PIEZO2: variants seen among roughly 807,000 people sequenced by gnomAD.
PIEZO2 encodes piezo type mechanosensitive ion channel component 2.
A neutral mutation model predicts 337.3 loss-of-function variants in PIEZO2; 172 were observed. That is an observed-to-expected ratio of 0.51 (90% confidence interval 0.45 to 0.58). The LOEUF is 0.58. Ranked by LOEUF, PIEZO2 falls within the 20% of genes least tolerant of loss-of-function variation. PIEZO2 has a pLI of 0.00. For missense variants in PIEZO2, 3,028 were observed against 3,391.3 expected (o/e 0.89, Z 2.66); for synonymous variants, 1,251 against 1,228.5 (o/e 1.02, Z -0.38).
chr18:10,958,946 T>A (rs111260960), intron 3 of PIEZO2, among the ~76,000 whole-genome samples: 2,801 of 152,274 alleles, frequency 0.018, 102 homozygotes, highest in African/African-American at 0.063. Flanking sequence ...ACATCATTAT[T>A]GAGAATGTTT....
intron 33 of PIEZO2, 146 bp from the exon 34 acceptor site, chr18:10,736,856 T>C (rs918277781): frequency 3.4e-6 from 3 of 888,758 alleles, no homozygotes; most frequent in African/African-American, 3.4e-5. Flanking sequence ...ACACACAAGA[T>C]GAAGAGAACT....
At chr18:11,064,098 G>C (rs764845577) in intron 2 of PIEZO2, among the ~76,000 whole-genome samples, 1 of 152,204 alleles carries the variant, frequency 6.6e-6, no homozygotes, top group Middle Eastern at 3.4e-3. Flanking sequence ...TTTGTGTTGG[G>C]CCACACTCAA....
intron 3 of PIEZO2, among the ~76,000 whole-genome samples, chr18:10,924,169 C>T (rs1391518962): frequency 6.6e-6 from 1 of 152,238 alleles, no homozygotes; most frequent in African/African-American, 2.4e-5. Flanking sequence ...GCAACATACA[C>T]ACTCTGAAGC....
Position 11,101,112 on chromosome 18 carries a change from C to G in PIEZO2, c.65-34890G>C, listed in dbSNP as rs548973409. Among the ~76,000 whole-genome samples the G allele has an allele frequency of 2.6e-5, 4 of 152,312 alleles. No homozygotes were observed. The East Asian group carries it at 7.7e-4, about 29-fold the overall frequency. On this transcript the variant is annotated intron_variant, in intron 1 of 55. Transcript: ENST00000674853. The surrounding 1 kb of genome is among the most constrained non-coding windows in gnomAD (Gnocchi z 4.4). The stretch of plus-strand genomic sequence containing the variant: ...AGTCCCATGTGGCCAGAGTCTGGTT[C>G]AGATGTTTCATGAGCTTCCCCACCA...
At chr18:10,755,648 T>C (rs2037808317) in intron 27 of PIEZO2, among the ~76,000 whole-genome samples, 1 of 152,122 alleles carries the variant, frequency 6.6e-6, no homozygotes, top group African/African-American at 2.4e-5. Flanking sequence ...GAGGGAAACA[T>C]GGCCCAGATC....
In PIEZO2 at chr18:10,726,668, C is replaced by G; in HGVS notation, c.5029+4739G>C. 9 of 1,422,992 alleles carry G rather than the reference C, an allele frequency of 6.3e-6. No homozygotes were observed. The South Asian group carries it at 1.2e-4, about 18-fold the overall frequency. The allele number at this position is 1,422,992 out of a possible 1,614,324, so 88.1% of individuals were successfully genotyped here. Reference sequence around the variant, plus strand: ...GCCAAGCGCGGCCAGACAGACACCTCGCTGCCAAGTTAATTCAGCAAGGAC... The same window carrying G: ...GCCAAGCGCGGCCAGACAGACACCTGGCTGCCAAGTTAATTCAGCAAGGAC... On this transcript the variant is annotated intron_variant, in intron 36 of 55. Coordinates refer to ENST00000674853, the MANE Select transcript of PIEZO2 (RefSeq NM_001378183.1). The surrounding 1 kb of genome is among the most constrained non-coding windows in gnomAD (Gnocchi z 5.9).
intron 2 of PIEZO2, among the ~76,000 whole-genome samples, chr18:11,013,443 G>A (rs953339802): frequency 6.6e-6 from 1 of 152,214 alleles, no homozygotes; most frequent in African/African-American, 2.4e-5. Flanking sequence ...CATTTGTATT[G>A]TCTTAAGCCG....
At chr18:10,718,162 A>G (rs2036090340) in intron 37 of PIEZO2, 38 bp downstream of exon 37, 1 of 1,505,562 alleles carries the variant, frequency 6.6e-7, no homozygotes, top group Non-Finnish European at 8.9e-7. Flanking sequence ...TATCATTTTC[A>G]AAGTTCCCAC....
chr18:10,711,884 CAT>C (rs2035834069), intron 39 of PIEZO2, among the ~76,000 whole-genome samples: 2 of 152,156 alleles, frequency 1.3e-5, no homozygotes, highest in South Asian at 4.1e-4. Context: ...GTAATAAAGA[CAT>C]AGTTTGGATC....
chr18:10,759,350 T>C lies in PIEZO2; in HGVS notation c.3757+132A>G. On this transcript the variant is annotated intron_variant, in intron 26 of 55. Transcript: ENST00000674853. This position sits in a 1 kb window ranked among gnomAD's most constrained non-coding sequence, Gnocchi z 5.5. ...AGCCATTAATGACTTGTGATATTAA[T>C]GCATAAGACAAGCCTTTACATGATT... 2.7e-6 allele frequency: 2 copies of C among 736,684 alleles called. No individual in the cohort carries two copies. Among genetic ancestry groups the C allele is most frequent in the East Asian group, 2.7e-5 (1 of 37,002 alleles). 45.6% of individuals were successfully genotyped at this position (736,684 alleles called of 1,614,324 possible).
At chr18:11,055,992 T>A (rs535503826) in intron 2 of PIEZO2, among the ~76,000 whole-genome samples, 14 of 152,286 alleles carry the variant, frequency 9.2e-5, no homozygotes, top group Admixed American at 9.2e-4. Flanking sequence ...CAATGGAGGC[T>A]GAGATGGATT....
intron 2 of PIEZO2, among the ~76,000 whole-genome samples, chr18:10,992,186 T>A (rs1185560538): frequency 6.6e-6 from 1 of 152,360 alleles, no homozygotes; most frequent in East Asian, 1.9e-4. Context: ...AGGTTGCCTG[T>A]TCACTCTGAT....
At chr18:10,751,744 G>A (rs1353056360) in intron 28 of PIEZO2, among the ~76,000 whole-genome samples, 2 of 152,188 alleles carry the variant, frequency 1.3e-5, no homozygotes, top group East Asian at 1.9e-4. Flanking sequence ...AGACTGAGAC[G>A]CAGGCACAGG....
intron 2 of PIEZO2, among the ~76,000 whole-genome samples, chr18:11,012,017 C>T (rs1461703467): frequency 6.6e-6 from 1 of 152,120 alleles, no homozygotes; most frequent in Non-Finnish European, 1.5e-5. Flanking sequence ...ATCTGTAAAA[C>T]CGAAGAAAGG....
chr18:10,828,638 A>G lies in PIEZO2; in HGVS notation c.918-21364T>C, dbSNP rs548405028. ...TCAAATATTGGTTCTTCTCATACCAAATCCTTATGCCAATAATAGCACCAT... is the reference window on the plus strand; with the variant it reads ...TCAAATATTGGTTCTTCTCATACCAGATCCTTATGCCAATAATAGCACCAT... On this transcript the variant is annotated intron_variant, in intron 7 of 55. Coordinates refer to ENST00000674853, the MANE Select transcript of PIEZO2 (RefSeq NM_001378183.1). The surrounding 1 kb of genome is among the most constrained non-coding windows in gnomAD (Gnocchi z 4.1). Among the ~76,000 whole-genome samples the G allele has an allele frequency of 1.3e-5, 2 of 152,330 alleles. No individual in the cohort carries two copies. Among genetic ancestry groups the G allele is most frequent in the African/African-American group, 4.8e-5 (2 of 41,592 alleles).
At chr18:11,066,966 T>C (rs1210648788) in intron 1 of PIEZO2, among the ~76,000 whole-genome samples, 1 of 152,162 alleles carries the variant, frequency 6.6e-6, no homozygotes, top group Non-Finnish European at 1.5e-5. Context: ...TGTGATACTA[T>C]AAAATGCTTT....
Position 11,003,623 on chromosome 18 carries a change from G to A in PIEZO2, c.161-23963C>T, listed in dbSNP as rs112419706. ...AACCTGGAAGTTCAGGGCACCAGGC[G>A]GGCATCAGGCGGGCACCAGCCCTAG... On this transcript the variant is annotated intron_variant, in intron 2 of 55. Transcript: ENST00000674853. This position sits in a 1 kb window ranked among gnomAD's most constrained non-coding sequence, Gnocchi z 4.6. Among the ~76,000 whole-genome samples, 93 of 152,300 alleles carry A rather than the reference G, an allele frequency of 6.1e-4. No individual in the cohort carries two copies. The highest frequency in any genetic ancestry group is 1.9e-3 in the African/African-American group (79 of 41,572).
chr18:11,006,780 A>G (rs917689658), intron 2 of PIEZO2, among the ~76,000 whole-genome samples: 4 of 151,894 alleles, frequency 2.6e-5, no homozygotes, highest in Non-Finnish European at 5.9e-5. Context: ...TGTCTTATCT[A>G]TTATTTGACT....
In PIEZO2 at chr18:10,748,714, T is replaced by C; in HGVS notation, c.4265-84A>G. 1 of 1,289,578 alleles carries C rather than the reference T, an allele frequency of 7.8e-7. No individual in the cohort carries two copies. Among genetic ancestry groups the C allele is most frequent in the African/African-American group, 1.5e-5 (1 of 65,412 alleles). 79.9% of individuals were successfully genotyped at this position (1,289,578 alleles called of 1,614,324 possible). On this transcript the variant is annotated intron_variant, in intron 29 of 55. Coordinates refer to ENST00000674853, the MANE Select transcript of PIEZO2 (RefSeq NM_001378183.1). This position sits in a 1 kb window ranked among gnomAD's most constrained non-coding sequence, Gnocchi z 5.1. ...ATAAAATCTGAGGTATGGTCAGGCT[T>C]GGGAAATATAGGCATAAAAGCAGCA...
Sources: allele counts gnomAD v4.1 joint callset (sites outside exome capture counted in the v4.1 genomes callset), GRCh38; gene constraint gnomAD v4.1.1; non-coding constraint Gnocchi (gnomAD v3.1); transcripts MANE v1.5; gene names NCBI Gene and HGNC (gene_info 2026-07-23, HGNC 2026-07-21).